SOX5: variants seen among roughly 807,000 people sequenced by gnomAD.
SOX5 encodes transcription factor SOX-5.
In SOX5, 9 loss-of-function variants were observed where a neutral mutation model predicts 92.0. The observed-to-expected ratio is 0.10, with a 90% confidence interval of 0.06 to 0.17. The LOEUF is 0.17. Among genes scored for constraint, SOX5 ranks in the 10% least tolerant of loss-of-function variants. The probability of loss-of-function intolerance (pLI) is 1.00; values close to 1 mark genes in which losing one functional copy is unlikely to be tolerated. For synonymous variants in SOX5, 344 were observed against 336.3 expected (o/e 1.02, Z -0.25); for missense variants, 642 against 944.5 (o/e 0.68, Z 4.20).
At chr12:23,670,341 C>G (rs918222281) in intron 6 of SOX5, among the ~76,000 whole-genome samples, 1 of 152,096 alleles carries the variant, frequency 6.6e-6, no homozygotes, top group African/African-American at 2.4e-5. Context: ...GTAGACTATT[C>G]TTCAGAGGAA....
At chr12:24,376,009 A>G (rs545247863) in intron 1 of SOX5, among the ~76,000 whole-genome samples, 71 of 152,124 alleles carry the variant, frequency 4.7e-4, no homozygotes, top group Non-Finnish European at 7.9e-4. Context: ...AAGCACTTCA[A>G]TTTCCTAAGA....
At chr12:23,859,861 C>T (rs2096735180) in intron 2 of SOX5, among the ~76,000 whole-genome samples, 2 of 152,032 alleles carry the variant, frequency 1.3e-5, no homozygotes, top group African/African-American at 2.4e-5. Context: ...GGACTGGTTC[C>T]CCCAATAGTT....
chr12:24,538,455 T>C (rs1050194674), intron 1 of SOX5, among the ~76,000 whole-genome samples: 1 of 152,166 alleles, frequency 6.6e-6, no homozygotes, highest in African/African-American at 2.4e-5. Context: ...AAGACGTTTC[T>C]GCCCCTGAAG....
chr12:23,725,539 A>G lies in SOX5; in HGVS notation c.810+9145T>C, dbSNP rs146869639. ...ACATGTGGGAATTATGGGAGCTACAATTCAAAATGAGATTTGGGTGGGGAC... is the reference window on the plus strand; with the variant it reads ...ACATGTGGGAATTATGGGAGCTACAGTTCAAAATGAGATTTGGGTGGGGAC... On this transcript the variant is annotated intron_variant, in intron 6 of 14. Coordinates refer to ENST00000451604, the MANE Select transcript of SOX5 (RefSeq NM_006940.6). 7.2e-3 allele frequency among the ~76,000 whole-genome samples: 1,096 copies of G among 152,298 alleles called. 11 individuals are homozygous for G. Among genetic ancestry groups the G allele is most frequent in the African/African-American group, 0.025 (1,045 of 41,582 alleles).
chr12:24,395,862 A>G (rs1474364514), intron 1 of SOX5, among the ~76,000 whole-genome samples: 1 of 152,196 alleles, frequency 6.6e-6, no homozygotes, highest in Non-Finnish European at 1.5e-5. Flanking sequence ...CATCAAAGCC[A>G]TCAGTTCAAG....
At chr12:24,401,273 A>C (rs772359790) in intron 1 of SOX5, among the ~76,000 whole-genome samples, 5 of 151,094 alleles carry the variant, frequency 3.3e-5, no homozygotes, top group Non-Finnish European at 7.4e-5. Context: ...AATTGCTTCA[A>C]CCTGGGAGGC....
Position 23,539,074 on chromosome 12 carries a change from G to A in SOX5, c.1772-2405C>T, listed in dbSNP as rs983735075. Among the ~76,000 whole-genome samples, 3 of 151,872 alleles carry A rather than the reference G, an allele frequency of 2.0e-5. No individual in the cohort carries two copies. The South Asian group carries it at 6.2e-4, about 32-fold the overall frequency. Reference sequence around the variant, plus strand: ...CCCGGTTCGGCCTCCCAAAGTGCCGGGATTACAGGTGTGAGCCACCACTCC... The same window carrying A: ...CCCGGTTCGGCCTCCCAAAGTGCCGAGATTACAGGTGTGAGCCACCACTCC... On this transcript the variant is annotated intron_variant, in intron 13 of 14. Coordinates refer to ENST00000451604, the MANE Select transcript of SOX5 (RefSeq NM_006940.6).
intron 1 of SOX5, among the ~76,000 whole-genome samples, chr12:23,910,425 G>C (rs1568894371): frequency 1.3e-5 from 2 of 152,088 alleles, no homozygotes; most frequent in African/African-American, 4.8e-5. Flanking sequence ...CCATGTGGAA[G>C]ATTTCCCGCA....
At chr12:24,201,147 ATC>A (rs1297672242) in intron 4 of SOX5, among the ~76,000 whole-genome samples, 4 of 152,122 alleles carry the variant, frequency 2.6e-5, no homozygotes, top group South Asian at 2.1e-4. Flanking sequence ...AAGTCCCAGA[ATC>A]TCTCTGTTAA....
intron 1 of SOX5, among the ~76,000 whole-genome samples, chr12:24,510,176 G>T (rs1949177978): frequency 6.6e-6 from 1 of 152,196 alleles, no homozygotes. Flanking sequence ...GTATATTCAT[G>T]CTCAAAATAG....
intron 4 of SOX5, among the ~76,000 whole-genome samples, chr12:24,090,214 A>G (rs1944477360): frequency 6.6e-6 from 1 of 152,172 alleles, no homozygotes; most frequent in African/African-American, 2.4e-5. Flanking sequence ...AGATCTTGAA[A>G]TGAAAAACAA....
At chr12:24,264,365 A>G (rs1942709502) in intron 3 of SOX5, among the ~76,000 whole-genome samples, 1 of 152,100 alleles carries the variant, frequency 6.6e-6, no homozygotes, top group African/African-American at 2.4e-5. Context: ...GAAAAGTTAT[A>G]TTTTTCCTAA....
chr12:23,978,657 T>C lies in SOX5; in HGVS notation c.-1-82633A>G, dbSNP rs150074767. On this transcript the variant is annotated intron_variant, in intron 4 of 4. Coordinates refer to the SOX5 transcript ENST00000446891. Reference sequence around the variant, plus strand: ...ACAAACCAATCTAGAGCCAAGCCAATGGCAACTCAGATTTTTTTTTTCACT... The same window carrying C: ...ACAAACCAATCTAGAGCCAAGCCAACGGCAACTCAGATTTTTTTTTTCACT... Among the ~76,000 whole-genome samples the C allele has an allele frequency of 2.8e-3, 429 of 152,298 alleles. 3 individuals are homozygous for C. The highest frequency in any genetic ancestry group is 2.6e-3 in the Non-Finnish European group (179 of 68,014).
At chr12:24,560,375 A>C (rs1365933164) in intron 1 of SOX5, among the ~76,000 whole-genome samples, 2 of 152,216 alleles carry the variant, frequency 1.3e-5, no homozygotes, top group African/African-American at 2.4e-5. Flanking sequence ...CATCAGTTTT[A>C]AGTGATGCTT....
chr12:24,006,185 G>A (rs1050899639), intron 4 of SOX5, among the ~76,000 whole-genome samples: 8 of 152,074 alleles, frequency 5.3e-5, no homozygotes, highest in Admixed American at 4.6e-4. Context: ...CATAAAGAAG[G>A]TCCTCATCTT....
At chr12:24,496,202 GC>G (rs1947621684) in intron 1 of SOX5, among the ~76,000 whole-genome samples, 1 of 152,066 alleles carries the variant, frequency 6.6e-6, no homozygotes, top group Non-Finnish European at 1.5e-5. Context: ...TCCTACACAA[GC>G]AAAAATACCT....
chr12:23,733,319 A>G (rs966249393), intron 6 of SOX5, among the ~76,000 whole-genome samples: 5 of 152,220 alleles, frequency 3.3e-5, no homozygotes, highest in African/African-American at 1.2e-4. Flanking sequence ...TGCTTTGATA[A>G]TTAATAACAT....
At chr12:23,829,205 A>G (rs1331287214) in intron 3 of SOX5, among the ~76,000 whole-genome samples, 1 of 152,172 alleles carries the variant, frequency 6.6e-6, no homozygotes, top group Non-Finnish European at 1.5e-5. Flanking sequence ...TCTTCATGTT[A>G]AACACACAGC....
chr12:24,315,531 T>C (rs1949616925), intron 2 of SOX5, among the ~76,000 whole-genome samples: 1 of 152,100 alleles, frequency 6.6e-6, no homozygotes, highest in South Asian at 2.1e-4. Context: ...ATGTAAAAAA[T>C]AGATGTAAAG....
Sources: allele counts gnomAD v4.1 joint callset (sites outside exome capture counted in the v4.1 genomes callset), GRCh38; gene constraint gnomAD v4.1.1; transcripts MANE v1.5; gene names NCBI Gene and HGNC (gene_info 2026-07-23, HGNC 2026-07-21).